The following MEOX2 variants were observed in gnomAD, a reference collection of about 807,000 sequenced individuals.
The protein encoded by MEOX2 is mesenchyme homeobox 2, also known as homeobox protein MOX-2.
MEOX2 carries 11 observed loss-of-function variants against 27.0 expected under a neutral mutation model. The ratio of observed to expected loss-of-function variants is 0.41; its 90% CI spans 0.26 to 0.68. The LOEUF (loss-of-function observed/expected upper bound fraction) is 0.68. Among genes scored for constraint, MEOX2 ranks in the 30% least tolerant of loss-of-function variants. The pLI is 0.33. For synonymous variants in MEOX2, 189 were observed against 155.4 expected (o/e 1.22, Z -1.61); for missense variants, 436 against 385.4 (o/e 1.13, Z -1.10).
intron 1 of MEOX2, chr7:15,680,146 T>C (rs1311286254): frequency 6.6e-6 from 1 of 151,884 alleles, no homozygotes; most frequent in African/African-American, 2.4e-5. Flanking sequence ...CATTCGATCA[T>C]ACACTTACCA....
At chr7:15,671,932 A>G (rs997325712) in intron 1 of MEOX2, among the ~76,000 whole-genome samples, 1 of 151,886 alleles carries the variant, frequency 6.6e-6, no homozygotes, top group Admixed American at 6.6e-5. Context: ...ATCTCTACTA[A>G]TAATACAAAA....
At chr7:15,684,383 A>G (rs529979985) in intron 1 of MEOX2, among the ~76,000 whole-genome samples, 11 of 152,332 alleles carry the variant, frequency 7.2e-5, no homozygotes, top group African/African-American at 2.6e-4. Flanking sequence ...TCAACTCACT[A>G]TCTAAAGAGA....
chr7:15,620,800 A>C (rs980322740), intron 2 of MEOX2, among the ~76,000 whole-genome samples: 3 of 152,204 alleles, frequency 2.0e-5, no homozygotes, highest in Admixed American at 6.5e-5. Flanking sequence ...TCTTGGCAGA[A>C]GTATCATTAA....
intron 1 of MEOX2, among the ~76,000 whole-genome samples, chr7:15,685,019 C>A (rs1430039140): frequency 6.6e-6 from 1 of 152,208 alleles, no homozygotes; most frequent in South Asian, 2.1e-4. Flanking sequence ...GAAATCAGCG[C>A]CTCCTGCGCG....
At position 15,683,932 on chromosome 7, in the gene MEOX2, G is replaced by A. The variant is rs547709957; in HGVS notation, c.517+1954C>T. Among the ~76,000 whole-genome samples, 5 of 152,220 alleles carry A rather than the reference G, an allele frequency of 3.3e-5. No individual in the cohort carries two copies. The South Asian group carries it at 6.2e-4, about 19-fold the overall frequency. ...CCCTCATTATCAGCTTCAAAATGTA[G>A]AAATGAATTTAATTTTGTTAAATGG... On this transcript the variant is annotated intron_variant, in intron 1 of 2. Coordinates refer to ENST00000262041, the MANE Select transcript of MEOX2 (RefSeq NM_005924.5).
intron 1 of MEOX2, among the ~76,000 whole-genome samples, chr7:15,628,618 T>C (rs1324716165): frequency 6.6e-6 from 1 of 152,078 alleles, no homozygotes; most frequent in African/African-American, 2.4e-5. Context: ...GATTGCACTT[T>C]ATAGAAAGCC....
chr7:15,661,003 A>G (rs1195290722), intron 1 of MEOX2, among the ~76,000 whole-genome samples: 1 of 116,352 alleles, frequency 8.6e-6, no homozygotes, highest in Admixed American at 1.1e-4. Context: ...ACAGAGCGAG[A>G]CTCAGTCTCA....
intron 1 of MEOX2, among the ~76,000 whole-genome samples, chr7:15,659,926 C>A (rs1358857759): frequency 6.6e-6 from 1 of 152,100 alleles, no homozygotes; most frequent in African/African-American, 2.4e-5. Context: ...CTTAAGCACA[C>A]AGAACTACAG....
chr7:15,632,483 T>C (rs1034355542), intron 1 of MEOX2, among the ~76,000 whole-genome samples: 4 of 151,834 alleles, frequency 2.6e-5, no homozygotes, highest in Admixed American at 6.6e-5. Context: ...TCTTCTTCCA[T>C]GACCTAAGTA....
intron 1 of MEOX2, among the ~76,000 whole-genome samples, chr7:15,645,506 T>C (rs566708446): frequency 6.6e-6 from 1 of 152,304 alleles, no homozygotes; most frequent in African/African-American, 2.4e-5. Flanking sequence ...TGCAATAATA[T>C]TTTTCTTTTA....
intron 2 of MEOX2, 150 bp from the exon 3 acceptor site, chr7:15,612,761 G>A (rs1781052983): frequency 6.2e-6 from 4 of 640,854 alleles, no homozygotes; most frequent in Non-Finnish European, 1.1e-5. Flanking sequence ...AATCCACGTT[G>A]AATTTAATCA....
chr7:15,680,947 C>G (rs1562618003), intron 1 of MEOX2: 1 of 151,322 alleles, frequency 6.6e-6, no homozygotes, highest in East Asian at 1.9e-4. Context: ...GAGAATTAAG[C>G]CTTCTCTTTT....
chr7:15,615,011 T>C (rs993997732), intron 2 of MEOX2, among the ~76,000 whole-genome samples: 2 of 152,030 alleles, frequency 1.3e-5, no homozygotes, highest in Non-Finnish European at 2.9e-5. Context: ...TGCCCAAACA[T>C]GTATTAATCA....
At chr7:15,674,885 C>T (rs890836279) in intron 1 of MEOX2, among the ~76,000 whole-genome samples, 2 of 152,056 alleles carry the variant, frequency 1.3e-5, no homozygotes, top group Admixed American at 1.3e-4. Context: ...TAATATTTTT[C>T]AGCATCTTCT....
rs11982718 is a variant in MEOX2, at chr7:15,653,489, C to T, written c.518-26571G>A. On this transcript the variant is annotated intron_variant, in intron 1 of 2. Coordinates refer to ENST00000262041, the MANE Select transcript of MEOX2 (RefSeq NM_005924.5). ...CAAAAACTTGTAATTTTGATGAAGT[C>T]TGCTCTATCAATTTTTCCTTTTATG... Among the ~76,000 whole-genome samples the T allele has an allele frequency of 5.6e-3, 857 of 152,056 alleles. 12 individuals are homozygous for T. The highest frequency in any genetic ancestry group is 0.019 in the African/African-American group (776 of 41,524).
At position 15,612,651 on chromosome 7, in the gene MEOX2, G is replaced by T. The variant is rs562225146; in HGVS notation, c.691-40C>A. On this transcript the variant is annotated intron_variant, in intron 2 of 2. Transcript: ENST00000262041. ...GGGAACAAACAAACAGAAAAAAAGA[G>T]ATAATTAAAGTGACATTTTTTTCTC... 1.9e-4 allele frequency: 302 copies of T among 1,566,042 alleles called. 2 individuals are homozygous for T. The South Asian group carries it at 3.2e-3, about 17-fold the overall frequency.
intron 2 of MEOX2, among the ~76,000 whole-genome samples, chr7:15,619,758 C>T (rs1394206346): frequency 6.6e-6 from 1 of 151,852 alleles, no homozygotes; most frequent in Non-Finnish European, 1.5e-5. Context: ...ATTATATATT[C>T]TTAAGGCCAG....
chr7:15,618,505 T>C (rs977320765), intron 2 of MEOX2, among the ~76,000 whole-genome samples: 20 of 152,000 alleles, frequency 1.3e-4, no homozygotes, highest in Admixed American at 1.0e-3. Flanking sequence ...CCCAATCTCT[T>C]GGCTCATGTT....
At chr7:15,668,881 G>C (rs2115389261) in intron 1 of MEOX2, among the ~76,000 whole-genome samples, 1 of 152,228 alleles carries the variant, frequency 6.6e-6, no homozygotes, top group African/African-American at 2.4e-5. Flanking sequence ...CTCTACTGCA[G>C]TTAATTAACA....
Sources: allele counts gnomAD v4.1 joint callset (sites outside exome capture counted in the v4.1 genomes callset), GRCh38; gene constraint gnomAD v4.1.1; transcripts MANE v1.5; gene names NCBI Gene and HGNC (gene_info 2026-07-23, HGNC 2026-07-21).